Variants in CREBBP observed in about 807,000 individuals in gnomAD.
CREBBP encodes the protein CREB binding lysine acetyltransferase.
CREBBP carries 19 observed loss-of-function variants against 265.0 expected under a neutral mutation model. The observed-to-expected ratio is 0.07, with a 90% confidence interval of 0.05 to 0.11. The LOEUF is 0.11. Among genes scored for constraint, CREBBP ranks in the 10% least tolerant of loss-of-function variants. The pLI, the probability that CREBBP is intolerant of heterozygous loss-of-function variation, is 1.00. For synonymous variants in CREBBP, 1,457 were observed against 1,223.7 expected (o/e 1.19, Z -3.98); for missense variants, 2,525 against 3,219.0 (o/e 0.78, Z 5.22).
intron 24 of CREBBP, 35 bp downstream of exon 24, chr16:3,740,364 G>A (rs546845404): frequency 1.3e-5 from 21 of 1,613,270 alleles, no homozygotes; most frequent in Middle Eastern, 1.7e-4. Flanking sequence ...CGTGGGGACT[G>A]CTCGCAGAGC....
intron 2 of CREBBP, among the ~76,000 whole-genome samples, chr16:3,821,027 C>T (rs993502207): frequency 6.6e-6 from 1 of 151,468 alleles, no homozygotes; most frequent in Admixed American, 6.6e-5. Context: ...AATGCATAAG[C>T]AAAAACGACG....
intron 2 of CREBBP, among the ~76,000 whole-genome samples, chr16:3,838,445 C>A (rs2054500592): frequency 6.6e-6 from 1 of 152,112 alleles, no homozygotes; most frequent in Non-Finnish European, 1.5e-5. Context: ...TCAAGATGGT[C>A]CCCTGGGAGA....
intron 11 of CREBBP, 57 bp from the exon 12 acceptor site, chr16:3,774,750 A>G: frequency 6.2e-7 from 1 of 1,609,706 alleles, no homozygotes; most frequent in Non-Finnish European, 8.5e-7. Flanking sequence ...AAACAGAATT[A>G]CAACTTGCTA....
chr16:3,793,740 G>T, intron 3 of CREBBP, 114 bp from the exon 4 acceptor site: 1 of 1,288,152 alleles, frequency 7.8e-7, no homozygotes, highest in Non-Finnish European at 1.1e-6. Flanking sequence ...ACCACAGAGA[G>T]AAGGCTGGTG....
At chr16:3,828,083 A>T (rs1266742838) in intron 2 of CREBBP, among the ~76,000 whole-genome samples, 1 of 151,564 alleles carries the variant, frequency 6.6e-6, no homozygotes, top group African/African-American at 2.4e-5. Flanking sequence ...AGAAAAGCTG[A>T]CTTCTTTTTT....
chr16:3,845,829 G>A (rs2054655351), intron 2 of CREBBP, among the ~76,000 whole-genome samples: 1 of 146,756 alleles, frequency 6.8e-6, no homozygotes, highest in Non-Finnish European at 1.5e-5. Flanking sequence ...AGAGGTTGCA[G>A]TGAGCTGAGA....
chr16:3,784,828 C>T (rs1468905188), intron 5 of CREBBP, among the ~76,000 whole-genome samples: 2 of 152,242 alleles, frequency 1.3e-5, no homozygotes, highest in African/African-American at 4.8e-5. Context: ...ACTTACAGGG[C>T]AGCCAACGCC....
chr16:3,850,397 C>A lies in CREBBP; in HGVS notation c.698G>T (p.Gly233Val). 6.2e-7 allele frequency: 1 copy of A among 1,614,254 alleles called. No homozygotes were observed. The highest frequency in any genetic ancestry group is 8.5e-7 in the Non-Finnish European group (1 of 1,180,042). Residue 233 changes from glycine to valine, a missense_variant, in exon 2 of 31, where the codon GGC (glycine) becomes GTC (valine). Transcript: ENST00000262367. ...CTCAGCCAGCACGCTGCTCGAGGCG[C>A]CCTGCATGGCTGGAGTAGGGTACGG... ...GMPYPTPAMQ[G>V]ASSSVLAETL... is the part of the protein sequence containing the mutation.
rs748498435 is a variant in CREBBP, at chr16:3,879,942, C to T, written c.-26G>A. ...TTTCACCTGCTCGCGAAAACAGCCC[C>T]GGGCACGGGCGGCCGGGCCGGCGAG... On this transcript the variant is annotated 5_prime_UTR_variant, in exon 1 of 31. Transcript: ENST00000262367. 2.6e-5 allele frequency: 42 copies of T among 1,600,804 alleles called. No homozygotes were observed. The Middle Eastern group carries it at 8.5e-4, about 32-fold the overall frequency.
chr16:3,879,234 G>GCACACACACA (rs77377127), intron 1 of CREBBP, among the ~76,000 whole-genome samples: 16 of 150,720 alleles, frequency 1.1e-4, no homozygotes, highest in African/African-American at 3.9e-4. Flanking sequence ...ACACACGCGC[G>GCACACACACA]CACACACACA....
chr16:3,805,253 G>A lies in CREBBP; in HGVS notation c.975+5350C>T, dbSNP rs141529645. ...AAATCACTAATAATTATAGACAAGG[G>A]CTTACTTCCAAACCTTCCCCACGTT... On this transcript the variant is annotated intron_variant, in intron 3 of 30. Transcript: ENST00000262367. Among the ~76,000 whole-genome samples the A allele has an allele frequency of 7.2e-4, 109 of 152,230 alleles. 4 individuals carry two copies. In the East Asian group the frequency reaches 0.019, roughly 27 times the overall value.
chr16:3,787,820 C>T (rs2053421623), intron 5 of CREBBP, among the ~76,000 whole-genome samples: 1 of 152,022 alleles, frequency 6.6e-6, no homozygotes, highest in Non-Finnish European at 1.5e-5. Context: ...GGACTACAGG[C>T]GCATGCTGCC....
At chr16:3,786,163 G>C (rs1162882636) in intron 5 of CREBBP, among the ~76,000 whole-genome samples, 1 of 152,174 alleles carries the variant, frequency 6.6e-6, no homozygotes, top group Non-Finnish European at 1.5e-5. Context: ...AGGAGTTCGA[G>C]ACCAGCCTGG....
intron 2 of CREBBP, among the ~76,000 whole-genome samples, chr16:3,834,538 G>A (rs549433679): frequency 2.6e-5 from 4 of 152,326 alleles, no homozygotes; most frequent in African/African-American, 9.6e-5. Flanking sequence ...AGAGAGGGAT[G>A]AAGAGGTGAA....
chr16:3,759,928 A>G (rs2052673409), intron 16 of CREBBP, among the ~76,000 whole-genome samples: 1 of 152,108 alleles, frequency 6.6e-6, no homozygotes, highest in African/African-American at 2.4e-5. Flanking sequence ...GTGCCAGGGA[A>G]GCTGTTCGGT....
rs2053924395 is a variant in CREBBP, at chr16:3,810,793, G to A, written c.799-14C>T. ...AGTTATTCCCATCTGAAACAAAAAA[G>A]AGGTAACATCAGCTGTGGTGACGCA... On this transcript the variant is annotated splice_polypyrimidine_tract_variant and intron_variant, in intron 2 of 30. Transcript: ENST00000262367. 1 of 1,613,644 alleles carries A rather than the reference G, an allele frequency of 6.2e-7. No homozygotes were observed. Among genetic ancestry groups the A allele is most frequent in the South Asian group, 1.1e-5 (1 of 91,044 alleles).
chr16:3,744,759 G>C (rs1241861577), intron 23 of CREBBP, 135 bp downstream of exon 23: 3 of 743,518 alleles, frequency 4.0e-6, no homozygotes, highest in Non-Finnish European at 7.3e-6. Flanking sequence ...AAAGTACTGG[G>C]GAAAAAACTA....
intron 2 of CREBBP, among the ~76,000 whole-genome samples, chr16:3,819,379 G>A (rs548228984): frequency 3.3e-5 from 5 of 152,328 alleles, no homozygotes; most frequent in African/African-American, 1.2e-4. Context: ...GAGCAGCTGC[G>A]ACAGTGAGTA....
At chr16:3,774,531 G>A in intron 12 of CREBBP, 38 bp downstream of exon 12, 1 of 1,613,240 alleles carries the variant, frequency 6.2e-7, no homozygotes, top group South Asian at 1.1e-5. Context: ...CATGTGAGAG[G>A]GAGGGCTATC....
Sources: gnomAD v4.1 joint callset for allele counts (sites outside exome capture counted in the v4.1 genomes callset) on GRCh38, gnomAD v4.1.1 for gene constraint, MANE v1.5 for transcripts, NCBI Gene and HGNC (gene_info 2026-07-23, HGNC 2026-07-21) for gene names.